PRKCE: variants seen among roughly 807,000 people sequenced by gnomAD.
PRKCE encodes protein kinase C epsilon type.
In PRKCE, 16 loss-of-function variants were observed where a neutral mutation model predicts 85.4. That is an observed-to-expected ratio of 0.19 (90% CI 0.13 to 0.28). The LOEUF is 0.28. Among genes scored for constraint, PRKCE ranks in the 10% least tolerant of loss-of-function variants. The probability of loss-of-function intolerance (pLI) is 1.00; values close to 1 mark genes in which losing one functional copy is unlikely to be tolerated. For synonymous variants in PRKCE, 388 were observed against 371.5 expected, an observed-to-expected ratio of 1.04 and a Z score of -0.51; for missense variants, 573 against 975.2, an observed-to-expected ratio of 0.59 and a Z score of 5.49.
chr2:46,167,000 TATAAAC>T (rs1429884506), intron 14 of PRKCE: 2 of 152,138 alleles, frequency 1.3e-5, no homozygotes, highest in African/African-American at 4.8e-5. Flanking sequence ...CAAAAAGAAT[TATAAAC>T]AGGAATAGAA....
chr2:45,918,959 G>A (rs1427858462), intron 2 of PRKCE, among the ~76,000 whole-genome samples: 1 of 152,232 alleles, frequency 6.6e-6, no homozygotes, highest in Non-Finnish European at 1.5e-5. Flanking sequence ...CCTCTTCAGG[G>A]AGAGCTGGCA....
chr2:45,942,140 A>G (rs552185365), intron 2 of PRKCE, among the ~76,000 whole-genome samples: 26 of 152,346 alleles, frequency 1.7e-4, no homozygotes, highest in African/African-American at 5.8e-4. Context: ...CCAGGCTTTG[A>G]AACATTTACG....
rs555003839 is a variant in PRKCE at position 45,880,660 on chromosome 2, G to C, written c.412+37597G>C. Among the ~76,000 whole-genome samples, 36 of 152,300 alleles carry C rather than the reference G, an allele frequency of 2.4e-4. 1 individual carries two copies. The South Asian group carries it at 7.1e-3, about 30-fold the overall frequency. On this transcript the variant is annotated intron_variant, in intron 2 of 14. Coordinates refer to ENST00000306156, the MANE Select transcript of PRKCE (RefSeq NM_005400.3). ...ATGTATACCAATGCCTCACACAGTG[G>C]CTAGTTCATAGTAGGTGCACGACAA...
chr2:45,838,722 C>T (rs1453415594), intron 1 of PRKCE, among the ~76,000 whole-genome samples: 1 of 152,184 alleles, frequency 6.6e-6, no homozygotes, highest in African/African-American at 2.4e-5. Flanking sequence ...AAGCAATCCT[C>T]CTGCCTCTGC....
rs1675190341 is a variant in PRKCE at position 46,138,312 on chromosome 2, A to G, written c.1593-6781A>G. ...TCCAAGCATCAAATAGAGATTTCCA[A>G]CTCATACGTCTGTCATTTTATCTAA... On this transcript the variant is annotated intron_variant, in intron 11 of 14. Coordinates refer to ENST00000306156, the MANE Select transcript of PRKCE (RefSeq NM_005400.3). This position sits in a 1 kb window ranked among gnomAD's most constrained non-coding sequence, Gnocchi z 4.2. Among the ~76,000 whole-genome samples, 1 of 152,084 alleles carries G rather than the reference A, an allele frequency of 6.6e-6. No homozygotes were observed. The highest frequency in any genetic ancestry group is 2.4e-5 in the African/African-American group (1 of 41,398).
In PRKCE at chr2:46,004,437, C is replaced by G; in HGVS notation, c.967-105C>G. On this transcript the variant is annotated intron_variant, in intron 7 of 14. Transcript: ENST00000306156. This position sits in a 1 kb window ranked among gnomAD's most constrained non-coding sequence, Gnocchi z 4.1. The stretch of plus-strand genomic sequence containing the variant: ...AGAGATCTACTGAATTCCTGCTGCT[C>G]TGGGAACTCTCATGGCTCTTATACG... 1 of 950,384 alleles carries G rather than the reference C, an allele frequency of 1.1e-6. No homozygotes were observed. Among genetic ancestry groups the G allele is most frequent in the South Asian group, 1.5e-5 (1 of 68,160 alleles). 58.9% of individuals were successfully genotyped at this position (950,384 alleles called of 1,614,324 possible).
At chr2:45,742,384 A>G (rs1682653158) in intron 1 of PRKCE, among the ~76,000 whole-genome samples, 1 of 151,900 alleles carries the variant, frequency 6.6e-6, no homozygotes, top group Non-Finnish European at 1.5e-5. Context: ...GCGATGAGCT[A>G]TGATCATGCC....
chr2:45,864,123 T>A (rs1448011345), intron 2 of PRKCE, among the ~76,000 whole-genome samples: 1 of 152,166 alleles, frequency 6.6e-6, no homozygotes, highest in Admixed American at 6.5e-5. Context: ...TCAGCCTGGG[T>A]GTGAATCCTT....
chr2:45,695,080 T>C (rs1460001030), intron 1 of PRKCE, among the ~76,000 whole-genome samples: 4 of 152,224 alleles, frequency 2.6e-5, no homozygotes, highest in African/African-American at 9.6e-5. Context: ...CTCCCTGTTT[T>C]TCCTGAGTCA....
chr2:46,090,435 T>C (rs894986390), intron 11 of PRKCE, among the ~76,000 whole-genome samples: 3 of 152,090 alleles, frequency 2.0e-5, no homozygotes, highest in Non-Finnish European at 2.9e-5. Flanking sequence ...GGTTTTTACT[T>C]ATGATACCTC....
chr2:46,116,960 G>A (rs1672835043), intron 11 of PRKCE, among the ~76,000 whole-genome samples: 1 of 152,318 alleles, frequency 6.6e-6, no homozygotes, highest in South Asian at 2.1e-4. Context: ...AGGGAAGCCA[G>A]CAGTCAAGAA....
chr2:45,898,417 T>C (rs1573796887), intron 2 of PRKCE, among the ~76,000 whole-genome samples: 2 of 152,110 alleles, frequency 1.3e-5, no homozygotes, highest in Non-Finnish European at 2.9e-5. Context: ...CAGCAAAGGG[T>C]AGGGCATTTG....
chr2:45,651,961 C>G lies in PRKCE; in HGVS notation c.-140C>G. 2 of 661,680 alleles carry G rather than the reference C, an allele frequency of 3.0e-6. No individual in the cohort carries two copies. The highest frequency in any genetic ancestry group is 4.3e-5 in the South Asian group (2 of 46,648). 41.0% of individuals were successfully genotyped at this position (661,680 alleles called of 1,614,324 possible). Reference sequence around the variant, plus strand: ...GAATCGCCCGCGCCAGGGCGCAACGCCACAAGGTGTAGGGAGTGTGCGGGG... The same window carrying G: ...GAATCGCCCGCGCCAGGGCGCAACGGCACAAGGTGTAGGGAGTGTGCGGGG... On this transcript the variant is annotated 5_prime_UTR_variant, in exon 1 of 15. Transcript: ENST00000306156.
chr2:45,838,951 A>G (rs1238465111), intron 1 of PRKCE, among the ~76,000 whole-genome samples: 1 of 152,088 alleles, frequency 6.6e-6, no homozygotes, highest in African/African-American at 2.4e-5. Context: ...TGACTATTTT[A>G]TGCCGGTGCC....
At chr2:46,056,761 C>G (rs973977053) in intron 10 of PRKCE, among the ~76,000 whole-genome samples, 1 of 152,168 alleles carries the variant, frequency 6.6e-6, no homozygotes, top group African/African-American at 2.4e-5. Context: ...ATTCTCTTCT[C>G]TTATTCTTAA....
At chr2:45,828,391 C>T (rs557361547) in intron 1 of PRKCE, among the ~76,000 whole-genome samples, 1 of 152,254 alleles carries the variant, frequency 6.6e-6, no homozygotes, top group South Asian at 2.1e-4. Flanking sequence ...CAGAGCGAGA[C>T]TCCGTCTCAA....
intron 2 of PRKCE, among the ~76,000 whole-genome samples, chr2:45,974,228 G>T (rs772669659): frequency 6.6e-6 from 1 of 152,186 alleles, no homozygotes; most frequent in Admixed American, 6.5e-5. Flanking sequence ...TGGCAGCACC[G>T]AATGGTGATT....
chr2:45,958,190 C>CAAAAAAAAAAAAAA, intron 2 of PRKCE, among the ~76,000 whole-genome samples: 1 of 110,108 alleles, frequency 9.1e-6, no homozygotes, highest in Non-Finnish European at 1.8e-5. Flanking sequence ...ATTAGGCCCG[C>CAAAAAAAAAAAAAA]AAAAAAAAAA....
intron 1 of PRKCE, among the ~76,000 whole-genome samples, chr2:45,692,977 T>C (rs1048410006): frequency 9.9e-5 from 15 of 151,980 alleles, no homozygotes; most frequent in African/African-American, 3.6e-4. Flanking sequence ...CTGGTAACAA[T>C]GTGTAAGGGA....
Sources: gnomAD v4.1 joint callset for allele counts (sites outside exome capture counted in the v4.1 genomes callset) on GRCh38, gnomAD v4.1.1 for gene constraint, Gnocchi (gnomAD v3.1) non-coding constraint, MANE v1.5 for transcripts, NCBI Gene and HGNC (gene_info 2026-07-23, HGNC 2026-07-21) for gene names.